ELMO1: variants seen among roughly 807,000 people sequenced by gnomAD.
ELMO1 encodes the protein engulfment and cell motility protein 1.
ELMO1 carries 26 observed loss-of-function variants against 98.9 expected under a neutral mutation model. The ratio of observed to expected loss-of-function variants is 0.26; its 90% CI spans 0.19 to 0.36. The LOEUF (loss-of-function observed/expected upper bound fraction) is 0.36, where lower values mean the gene tolerates loss of function less well. ELMO1 is among the 10% of genes least tolerant of loss of function. The pLI is 1.00. For missense variants in ELMO1, 627 were observed against 935.2 expected, an observed-to-expected ratio of 0.67 and a Z score of 4.30; for synonymous variants, 346 against 346.0, an observed-to-expected ratio of 1.00 and a Z score of 0.00.
At chr7:37,091,393 T>G (rs1784083342) in intron 15 of ELMO1, among the ~76,000 whole-genome samples, 1 of 152,146 alleles carries the variant, frequency 6.6e-6, no homozygotes, top group Non-Finnish European at 1.5e-5. Context: ...AGGCGTGAGC[T>G]ACCATGCCCA....
intron 1 of ELMO1, among the ~76,000 whole-genome samples, chr7:37,436,028 G>A (rs1304948458): frequency 6.6e-6 from 1 of 152,114 alleles, no homozygotes; most frequent in Non-Finnish European, 1.5e-5. Flanking sequence ...CAGAAAAGAG[G>A]GTATGGTTTT....
chr7:36,906,268 C>G (rs542415332), intron 16 of ELMO1, among the ~76,000 whole-genome samples: 2 of 152,236 alleles, frequency 1.3e-5, no homozygotes, highest in Non-Finnish European at 2.9e-5. Flanking sequence ...TCAGAGCCTA[C>G]TCGTCAAGAT....
chr7:37,107,620 C>T (rs1785023833), intron 14 of ELMO1, among the ~76,000 whole-genome samples: 1 of 152,122 alleles, frequency 6.6e-6, no homozygotes, highest in Admixed American at 6.5e-5. Flanking sequence ...GCAAAGATAC[C>T]AAGAGGTTTG....
chr7:36,932,070 CTTCA>C (rs113584410), intron 16 of ELMO1, among the ~76,000 whole-genome samples: 3,044 of 151,672 alleles, frequency 0.02, 51 homozygotes, highest in Non-Finnish European at 0.03. Flanking sequence ...GGAGAGTTAA[CTTCA>C]TTCATTCATT....
intron 15 of ELMO1, among the ~76,000 whole-genome samples, chr7:37,072,776 T>C (rs1177582259): frequency 1.3e-5 from 2 of 152,092 alleles, no homozygotes; most frequent in Non-Finnish European, 2.9e-5. Context: ...ATAAGGCGAG[T>C]ACCACTCACA....
At chr7:37,188,339 A>G (rs1791339425) in intron 13 of ELMO1, among the ~76,000 whole-genome samples, 1 of 151,586 alleles carries the variant, frequency 6.6e-6, no homozygotes, top group African/African-American at 2.4e-5. Flanking sequence ...CCTTCATTAC[A>G]TGAAGTTGTA....
At chr7:37,123,896 C>T (rs929560012) in intron 14 of ELMO1, among the ~76,000 whole-genome samples, 1 of 152,204 alleles carries the variant, frequency 6.6e-6, no homozygotes, top group African/African-American at 2.4e-5. Flanking sequence ...CAGTAAAATA[C>T]TGGCAAACCG....
intron 16 of ELMO1, chr7:36,985,055 C>T (rs773432582): frequency 1.7e-5 from 17 of 985,254 alleles, no homozygotes; most frequent in Admixed American, 6.2e-5. Context: ...CCACGCTGCC[C>T]CTCCATTGCC....
chr7:37,023,120 G>C (rs368518536), intron 15 of ELMO1, among the ~76,000 whole-genome samples: 3 of 152,280 alleles, frequency 2.0e-5, no homozygotes, highest in Admixed American at 6.5e-5. Context: ...AACTGAGAGT[G>C]GGAAGATGGC....
chr7:37,173,545 G>T (rs537442854), intron 13 of ELMO1, among the ~76,000 whole-genome samples: 1 of 152,352 alleles, frequency 6.6e-6, no homozygotes, highest in East Asian at 1.9e-4. Flanking sequence ...AGTCCATGCT[G>T]CTGTTTCTGA....
At chr7:36,933,079 C>T (rs375431527) in intron 16 of ELMO1, among the ~76,000 whole-genome samples, 60 of 152,176 alleles carry the variant, frequency 3.9e-4, no homozygotes, top group Non-Finnish European at 7.3e-4. Context: ...AGAGGGACAA[C>T]GAGGTGTCCT....
intron 10 of ELMO1, among the ~76,000 whole-genome samples, chr7:37,220,940 G>C (rs10228985): frequency 0.28 from 42,527 of 152,064 alleles, 6,595 homozygotes; most frequent in African/African-American, 0.41. Context: ...GGACCCCGTT[G>C]CTCCAATGCC....
chr7:37,276,283 A>G (rs1172291674), intron 4 of ELMO1, among the ~76,000 whole-genome samples: 3 of 152,174 alleles, frequency 2.0e-5, no homozygotes, highest in African/African-American at 7.2e-5. Flanking sequence ...AGAGAAAGAG[A>G]GAGAGAGTTC....
intron 2 of ELMO1, among the ~76,000 whole-genome samples, chr7:37,321,648 C>T (rs1386819744): frequency 1.2e-4 from 16 of 129,062 alleles, no homozygotes; most frequent in Admixed American, 4.6e-4. Flanking sequence ...ACTCGGGAGG[C>T]GGAGCTTGCA....
intron 16 of ELMO1, among the ~76,000 whole-genome samples, chr7:36,900,948 G>A (rs1401481030): frequency 1.3e-5 from 2 of 152,212 alleles, no homozygotes; most frequent in African/African-American, 4.8e-5. Context: ...GGGGGAAGAA[G>A]ACCCTAAGTG....
In ELMO1 at chr7:37,263,232, A is replaced by G. The variant is rs190554011; in HGVS notation, c.244-3882T>C. ...GAAATTTTGTTCTCAGATATCAGTTATTGCAGATCACTCTTTATATAATTT... is the reference window on the plus strand; with the variant it reads ...GAAATTTTGTTCTCAGATATCAGTTGTTGCAGATCACTCTTTATATAATTT... On this transcript the variant is annotated intron_variant, in intron 5 of 21. Coordinates refer to ENST00000310758, the MANE Select transcript of ELMO1 (RefSeq NM_014800.11). Among the ~76,000 whole-genome samples, 11 of 151,330 alleles carry G rather than the reference A, an allele frequency of 7.3e-5. No homozygotes were observed. The East Asian group carries it at 2.1e-3, about 29-fold the overall frequency.
chr7:37,052,222 T>C (rs1363666683), intron 15 of ELMO1, among the ~76,000 whole-genome samples: 1 of 152,184 alleles, frequency 6.6e-6, no homozygotes, highest in African/African-American at 2.4e-5. Context: ...CAGGAGAATA[T>C]GACTGCCTAC....
chr7:36,877,275 G>A (rs557244319), intron 19 of ELMO1, among the ~76,000 whole-genome samples: 1 of 152,040 alleles, frequency 6.6e-6, no homozygotes, highest in Non-Finnish European at 1.5e-5. Flanking sequence ...ATCCTCTGAG[G>A]CTACGTTCAT....
chr7:37,408,260 T>C (rs1583704052), intron 1 of ELMO1, among the ~76,000 whole-genome samples: 2 of 152,190 alleles, frequency 1.3e-5, no homozygotes, highest in Non-Finnish European at 2.9e-5. Flanking sequence ...ACAATAGATA[T>C]ACATAATGAA....
Sources: allele counts gnomAD v4.1 joint callset (sites outside exome capture counted in the v4.1 genomes callset), GRCh38; gene constraint gnomAD v4.1.1; transcripts MANE v1.5; gene names NCBI Gene and HGNC (gene_info 2026-07-23, HGNC 2026-07-21).